The following UTRN variants were observed in gnomAD, a reference collection of about 807,000 sequenced individuals.
UTRN encodes utrophin.
A neutral mutation model predicts 463.9 loss-of-function variants in UTRN; 283 were observed. The observed-to-expected ratio is 0.61, with a 90% CI of 0.55 to 0.67. The LOEUF is 0.67. UTRN is among the 30% of genes least tolerant of loss of function. UTRN has a pLI of 0.00. For missense variants in UTRN, 3,922 were observed against 4,084.3 expected, an observed-to-expected ratio of 0.96 and a Z score of 1.08; for synonymous variants, 1,442 against 1,431.5, an observed-to-expected ratio of 1.01 and a Z score of -0.17.
At chr6:144,303,646 G>C (rs1393929573) in intron 2 of UTRN, among the ~76,000 whole-genome samples, 1 of 152,152 alleles carries the variant, frequency 6.6e-6, no homozygotes, top group East Asian at 1.9e-4. Flanking sequence ...TCTGAGAGAA[G>C]GGTCATGCTT....
intron 43 of UTRN, among the ~76,000 whole-genome samples, chr6:144,534,593 A>G (rs1797364028): frequency 6.6e-6 from 1 of 152,228 alleles, no homozygotes; most frequent in South Asian, 2.1e-4. Flanking sequence ...TTATGAAAGC[A>G]AGTTATCTTA....
intron 51 of UTRN, among the ~76,000 whole-genome samples, chr6:144,606,341 A>G (rs1804846657): frequency 6.6e-6 from 1 of 152,248 alleles, no homozygotes; most frequent in African/African-American, 2.4e-5. Flanking sequence ...GAGGGTGTCT[A>G]TGACCTATAA....
At chr6:144,775,803 G>A (rs1323242662) in intron 60 of UTRN, among the ~76,000 whole-genome samples, 1 of 152,068 alleles carries the variant, frequency 6.6e-6, no homozygotes, top group Non-Finnish European at 1.5e-5. Context: ...ACTTATGGGT[G>A]GATAAGCATA....
chr6:144,553,871 G>A (rs1328012824), intron 48 of UTRN, among the ~76,000 whole-genome samples: 1 of 149,264 alleles, frequency 6.7e-6, no homozygotes, highest in South Asian at 2.1e-4. Flanking sequence ...AGCCAGGATC[G>A]TGCCACTGCA....
intron 4 of UTRN, 36 bp downstream of exon 4, chr6:144,422,006 G>T (rs771033465): frequency 6.4e-7 from 1 of 1,558,262 alleles, no homozygotes; most frequent in Admixed American, 1.8e-5. Flanking sequence ...CGGAGTCTCC[G>T]GTCATTGCTG....
intron 34 of UTRN, among the ~76,000 whole-genome samples, chr6:144,501,528 T>C (rs1395545577): frequency 1.3e-5 from 2 of 152,230 alleles, no homozygotes; most frequent in South Asian, 2.1e-4. Context: ...CTAGTATTTA[T>C]TGACCTTCTT....
intron 51 of UTRN, among the ~76,000 whole-genome samples, chr6:144,613,718 C>T (rs570551586): frequency 2.2e-4 from 34 of 151,916 alleles, no homozygotes; most frequent in African/African-American, 5.8e-4. Flanking sequence ...ACATTTGCCA[C>T]GACTCATCAG....
intron 9 of UTRN, among the ~76,000 whole-genome samples, chr6:144,430,519 G>C (rs1379273196): frequency 1.3e-5 from 2 of 152,128 alleles, no homozygotes; most frequent in Non-Finnish European, 2.9e-5. Context: ...ATTTCAGAGA[G>C]AAAGAAAGCT....
intron 51 of UTRN, among the ~76,000 whole-genome samples, chr6:144,643,794 CA>C (rs5880601): frequency 0.56 from 79,703 of 143,242 alleles, 22,154 homozygotes; most frequent in East Asian, 0.86. Flanking sequence ...AACACCATCT[CA>C]AAAAAAAAAA....
At chr6:144,828,751 A>G (rs377669449) in intron 68 of UTRN, 39 bp from the exon 69 acceptor site, 50 of 1,561,982 alleles carry the variant, frequency 3.2e-5, no homozygotes, top group Non-Finnish European at 4.1e-5. Context: ...CATGTCCTAT[A>G]TGGCCATGTT....
intron 2 of UTRN, among the ~76,000 whole-genome samples, chr6:144,373,991 T>C (rs1016454445): frequency 3.9e-5 from 6 of 152,224 alleles, no homozygotes; most frequent in African/African-American, 9.6e-5. Context: ...TCCATTTGCT[T>C]ACACTGCATC....
chr6:144,553,297 C>A (rs1448118273), intron 48 of UTRN, among the ~76,000 whole-genome samples: 1 of 152,194 alleles, frequency 6.6e-6, no homozygotes, highest in Non-Finnish European at 1.5e-5. Context: ...CTCGGCCTCC[C>A]AAAGTGCTGG....
At chr6:144,441,170 A>G (rs1449971352) in intron 13 of UTRN, among the ~76,000 whole-genome samples, 2 of 152,170 alleles carry the variant, frequency 1.3e-5, no homozygotes, top group African/African-American at 2.4e-5. Context: ...TGCTTTCCCA[A>G]CAGTACCCCC....
chr6:144,727,039 A>C (rs1787953889), intron 53 of UTRN, among the ~76,000 whole-genome samples: 1 of 152,132 alleles, frequency 6.6e-6, no homozygotes, highest in Non-Finnish European at 1.5e-5. Flanking sequence ...TGGACTATTA[A>C]TAGTCTAGAA....
At chr6:144,531,292 T>C in intron 42 of UTRN, 90 bp downstream of exon 42, 2 of 1,257,490 alleles carry the variant, frequency 1.6e-6, no homozygotes, top group East Asian at 5.3e-5. Flanking sequence ...CAAAATATAT[T>C]AATTTTTCAG....
intron 2 of UTRN, among the ~76,000 whole-genome samples, chr6:144,352,355 A>G (rs1778181596): frequency 6.6e-6 from 1 of 152,132 alleles, no homozygotes; most frequent in Admixed American, 6.5e-5. Flanking sequence ...GAATTATTAT[A>G]TTTTACCTTT....
chr6:144,751,402 T>G (rs997107590), intron 55 of UTRN, among the ~76,000 whole-genome samples: 2 of 152,232 alleles, frequency 1.3e-5, no homozygotes, highest in African/African-American at 4.8e-5. Context: ...TTTTTGGTTC[T>G]TCATCCAAGT....
At chr6:144,386,863 CA>C (rs1485872579) in intron 2 of UTRN, among the ~76,000 whole-genome samples, 2 of 151,540 alleles carry the variant, frequency 1.3e-5, no homozygotes, top group African/African-American at 4.9e-5. Context: ...TAAAACACTC[CA>C]AATAAAGACA....
At chr6:144,620,093 TCACTTTAGATGCC>T in intron 51 of UTRN, among the ~76,000 whole-genome samples, 1 of 152,318 alleles carries the variant, frequency 6.6e-6, no homozygotes, top group East Asian at 1.9e-4. Context: ...TCCTCTTGCA[TCACTTTAGATGCC>T]TTCTGTTTAT....
Sources: allele counts gnomAD v4.1 joint callset (sites outside exome capture counted in the v4.1 genomes callset), GRCh38; gene constraint gnomAD v4.1.1; transcripts MANE v1.5; gene names NCBI Gene and HGNC (gene_info 2026-07-23, HGNC 2026-07-21).